The following URB1 variants were observed in gnomAD, a reference collection of about 807,000 sequenced individuals.
The protein encoded by URB1 is nucleolar pre-ribosomal-associated protein 1.
In URB1, 197 loss-of-function variants were observed where a neutral mutation model predicts 242.3. That is an observed-to-expected ratio of 0.81 (90% confidence interval 0.72 to 0.91). The LOEUF (loss-of-function observed/expected upper bound fraction) is 0.91, where lower values mean the gene tolerates loss of function less well. Among genes scored for constraint, URB1 ranks in the 40% least tolerant of loss-of-function variants. The probability of loss-of-function intolerance (pLI) is 0.00; values close to 1 mark genes in which losing one functional copy is unlikely to be tolerated. For synonymous variants in URB1, 1,153 were observed against 1,201.8 expected (o/e 0.96, Z 0.84); for missense variants, 2,721 against 2,860.5 (o/e 0.95, Z 1.11).
chr21:32,317,624 G>A (rs905923159), intron 37 of URB1, 52 bp downstream of exon 37: 17 of 1,541,318 alleles, frequency 1.1e-5, no homozygotes, highest in Non-Finnish European at 1.5e-5. Flanking sequence ...GACGGACAGG[G>A]TGAGAGAGAC....
At chr21:32,366,367 G>C (rs964476366) in intron 10 of URB1, among the ~76,000 whole-genome samples, 1 of 152,178 alleles carries the variant, frequency 6.6e-6, no homozygotes, top group African/African-American at 2.4e-5. Context: ...CTGTGTGATG[G>C]AGCAGGGCCA....
intron 28 of URB1, among the ~76,000 whole-genome samples, chr21:32,336,518 C>G (rs937897392): frequency 1.3e-5 from 2 of 152,132 alleles, no homozygotes; most frequent in African/African-American, 4.8e-5. Flanking sequence ...TGCTTAGGTG[C>G]GGCACTTGTA....
intron 25 of URB1, 65 bp from the exon 26 acceptor site, chr21:32,338,965 A>G: frequency 7.2e-7 from 1 of 1,380,240 alleles, no homozygotes; most frequent in East Asian, 2.5e-5. Context: ...ACAGGAAACA[A>G]TAAAGATTCT....
chr21:32,390,727 G>A (rs1046627366), intron 1 of URB1, among the ~76,000 whole-genome samples: 1 of 152,220 alleles, frequency 6.6e-6, no homozygotes, highest in Non-Finnish European at 1.5e-5. Flanking sequence ...ACAGGTGCTG[G>A]AGAGGATGTG....
intron 5 of URB1, among the ~76,000 whole-genome samples, chr21:32,376,641 G>GT (rs1555841819): frequency 4.0e-5 from 6 of 151,778 alleles, no homozygotes; most frequent in East Asian, 1.9e-4. Flanking sequence ...AGTGCAGCAT[G>GT]TTTTTTTTCT....
rs994234724 is a variant in URB1 at position 32,312,947 on chromosome 21, C to T, written c.*1971G>A. 3 of 152,176 alleles carry T rather than the reference C, an allele frequency of 2.0e-5. No individual in the cohort carries two copies. The highest frequency in any genetic ancestry group is 4.8e-5 in the African/African-American group (2 of 41,440). 9.4% of individuals were successfully genotyped at this position (152,176 alleles called of 1,614,324 possible). On this transcript the variant is annotated 3_prime_UTR_variant, in exon 39 of 39. Coordinates refer to ENST00000382751, the MANE Select transcript of URB1 (RefSeq NM_014825.3). ...CATGGGATGAGATTCCCTTCCTCCA[C>T]ACTAAGTGACTGGAAAATACACGAA...
chr21:32,384,595 A>C (rs2033561471), intron 2 of URB1, 131 bp from the exon 3 acceptor site: 1 of 1,212,906 alleles, frequency 8.2e-7, no homozygotes, highest in Admixed American at 2.6e-5. Context: ...ACGCCCACCC[A>C]GATCCTGAGT....
chr21:32,369,085 G>A (rs1222983910), intron 8 of URB1, among the ~76,000 whole-genome samples: 1 of 152,150 alleles, frequency 6.6e-6, no homozygotes, highest in Admixed American at 6.5e-5. Context: ...ACTCACAACT[G>A]TAATCCCAGC....
chr21:32,376,569 ATACTT>A (rs66823552), intron 5 of URB1, among the ~76,000 whole-genome samples: 83,608 of 151,596 alleles, frequency 0.55, 28,016 homozygotes, highest in Non-Finnish European at 0.75. Context: ...AAATGAGATC[ATACTT>A]TATAGTTTTA....
In URB1 at chr21:32,365,765, AGT is replaced by A. The variant is rs1160867193; in HGVS notation, c.1335+851_1335+852del. The stretch of plus-strand genomic sequence containing the variant: ...GTGAATCTCACCATGTGGTCTCAGG[AGT>A]CCACCCCACTTTACAGTGACTGTGC... On this transcript the variant is annotated intron_variant, in intron 10 of 38. Coordinates refer to ENST00000382751, the MANE Select transcript of URB1 (RefSeq NM_014825.3). 1.2e-4 allele frequency among the ~76,000 whole-genome samples: 19 copies of A among 152,332 alleles called. No individual in the cohort carries two copies. In the East Asian group the frequency reaches 3.7e-3, roughly 29 times the overall value.
intron 16 of URB1, 93 bp from the exon 17 acceptor site, chr21:32,355,090 G>C: frequency 7.2e-7 from 1 of 1,394,074 alleles, no homozygotes; most frequent in Non-Finnish European, 9.6e-7. Flanking sequence ...CAAGGCAAGT[G>C]ATAATATGTT....
intron 30 of URB1, among the ~76,000 whole-genome samples, chr21:32,330,732 G>C (rs1301968295): frequency 2.0e-5 from 3 of 152,226 alleles, no homozygotes. Flanking sequence ...CCTGGCCACT[G>C]ACTAGGAGAT....
chr21:32,325,359 T>A lies in URB1; in HGVS notation c.4991A>T (p.Asp1664Val). ...GACAGTTAGGCCCAGAGCATTTGAA[T>A]CCAAAAATTTTCGACAATCCACCAC... ...EFVVDCRKFL[D>V]SNALGLTVTA... The change falls in exon 31 of 39, where the codon GAT (aspartate) becomes GTT (valine). Residue 1664 changes from aspartate (D) to valine (V), a missense_variant. Transcript: ENST00000382751. The A allele has an allele frequency of 6.4e-7, 1 of 1,550,836 alleles. No homozygotes were observed. Among genetic ancestry groups the A allele is most frequent in the Non-Finnish European group, 8.7e-7 (1 of 1,146,360 alleles).
At chr21:32,375,641 T>C (rs953997432) in intron 5 of URB1, among the ~76,000 whole-genome samples, 158 bp from the exon 6 acceptor site, 2 of 151,786 alleles carry the variant, frequency 1.3e-5, no homozygotes, top group African/African-American at 4.8e-5. Context: ...AATAACCACT[T>C]CCATGACATA....
chr21:32,323,403 A>T (rs115914291), intron 32 of URB1, among the ~76,000 whole-genome samples: 44 of 152,314 alleles, frequency 2.9e-4, no homozygotes, highest in African/African-American at 1.0e-3. Context: ...GATGGTACCA[A>T]CTTTCTATGA....
At chr21:32,355,332 A>G (rs2033206609) in intron 16 of URB1, 117 bp downstream of exon 16, 1 of 884,062 alleles carries the variant, frequency 1.1e-6, no homozygotes, top group Non-Finnish European at 1.8e-6. Flanking sequence ...AGAATTAGGA[A>G]GTAAGCCAGG....
intron 5 of URB1, among the ~76,000 whole-genome samples, chr21:32,377,925 A>G (rs1243713480): frequency 1.3e-5 from 2 of 151,798 alleles, no homozygotes; most frequent in African/African-American, 4.8e-5. Flanking sequence ...CTCTTGATAA[A>G]ATGCAAGGGG....
chr21:32,330,274 A>G (rs1167280540), intron 30 of URB1, among the ~76,000 whole-genome samples: 1 of 124,048 alleles, frequency 8.1e-6, no homozygotes, highest in Non-Finnish European at 1.6e-5. Flanking sequence ...TTCTACTTTG[A>G]TATGAATTTT....
chr21:32,350,692 G>C lies in URB1; in HGVS notation c.2832+12C>G, dbSNP rs899772086. 3 of 1,550,196 alleles carry C rather than the reference G, an allele frequency of 1.9e-6. No homozygotes were observed. Among genetic ancestry groups the C allele is most frequent in the Admixed American group, 3.9e-5 (2 of 51,002 alleles). On this transcript the variant is annotated intron_variant, in intron 20 of 38. Coordinates refer to ENST00000382751, the MANE Select transcript of URB1 (RefSeq NM_014825.3). ...AGCTCTGAAGCCTGTGGAGGATGGGGGCAACGCTGACCTGGCCGAAGTTCT... is the reference window on the plus strand; with the variant it reads ...AGCTCTGAAGCCTGTGGAGGATGGGCGCAACGCTGACCTGGCCGAAGTTCT...
Sources: gnomAD v4.1 joint callset for allele counts (sites outside exome capture counted in the v4.1 genomes callset) on GRCh38, gnomAD v4.1.1 for gene constraint, MANE v1.5 for transcripts, NCBI Gene and HGNC (gene_info 2026-07-23, HGNC 2026-07-21) for gene names.